The following ATAD2B variants were observed in gnomAD, a reference collection of about 807,000 sequenced individuals.
The protein encoded by ATAD2B is ATPase family AAA domain containing 2B.
A neutral mutation model predicts 167.6 loss-of-function variants in ATAD2B; 40 were observed. The observed-to-expected ratio is 0.24, with a 90% CI of 0.19 to 0.31. The LOEUF (loss-of-function observed/expected upper bound fraction) is 0.31. Ranked by LOEUF, ATAD2B falls within the 10% of genes least tolerant of loss-of-function variation. ATAD2B has a pLI of 1.00. For missense variants in ATAD2B, 1,242 were observed against 1,757.2 expected, an observed-to-expected ratio of 0.71 and a Z score of 5.24; for synonymous variants, 579 against 596.5, an observed-to-expected ratio of 0.97 and a Z score of 0.43.
chr2:23,748,437 T>C (rs1481226567), downstream of ATAD2B, among the ~76,000 whole-genome samples: 2 of 152,310 alleles, frequency 1.3e-5, no homozygotes, highest in East Asian at 3.9e-4. Context: ...CTATACAACA[T>C]ATTTTAGACA....
At chr2:23,819,123 T>C (rs1222845764) in intron 17 of ATAD2B, among the ~76,000 whole-genome samples, 1 of 152,128 alleles carries the variant, frequency 6.6e-6, no homozygotes, top group East Asian at 1.9e-4. Flanking sequence ...AGCAATAAAG[T>C]TGGGGCTCAT....
At chr2:23,794,455 T>C (rs564533037) in intron 19 of ATAD2B, among the ~76,000 whole-genome samples, 7 of 152,330 alleles carry the variant, frequency 4.6e-5, no homozygotes, top group African/African-American at 1.4e-4. Flanking sequence ...AGCAGATATG[T>C]AGTTGGAAAT....
intron 1 of ATAD2B, among the ~76,000 whole-genome samples, chr2:23,912,515 AC>A (rs1182737958): frequency 6.6e-6 from 1 of 152,036 alleles, no homozygotes; most frequent in African/African-American, 2.4e-5. Context: ...TCAAAAAAAA[AC>A]GAAAGGAAAA....
the ATAD2B span, chr2:23,706,369 G>A: frequency 2.6e-6 from 2 of 762,632 alleles, no homozygotes; most frequent in Non-Finnish European, 3.8e-6. Context: ...GATCCCAGAT[G>A]CCTTCTGCAA....
chr2:23,818,095 TTACACACAC>T lies in ATAD2B; in HGVS notation c.2267+1643_2267+1651del, dbSNP rs1558590617. ...ACACATAAACACACACACACACACA[TTACACACAC>T]ACACACACACACACACATTACACAC... On this transcript the variant is annotated intron_variant, in intron 17 of 27. Coordinates refer to ENST00000238789, the MANE Select transcript of ATAD2B (RefSeq NM_017552.4). Among the ~76,000 whole-genome samples, 22 of 12,878 alleles carry T rather than the reference TTACACACAC, an allele frequency of 1.7e-3. 1 individual carries two copies. The highest frequency in any genetic ancestry group is 2.2e-3 in the Non-Finnish European group (15 of 6,726). The allele number at this position is 12,878 out of a possible 152,430, so 8.4% of individuals were successfully genotyped here. A position where few individuals can be genotyped will look rare whatever the true frequency, so the allele number is the denominator to read the frequency against.
intron 19 of ATAD2B, among the ~76,000 whole-genome samples, chr2:23,796,822 G>A (rs188596295): frequency 1.3e-5 from 2 of 152,178 alleles, no homozygotes; most frequent in African/African-American, 4.8e-5. Context: ...CAATGACCCT[G>A]TCTGTTATTA....
rs757193665 is a variant in ATAD2B at position 23,833,931 on chromosome 2, C to A, written c.1716G>T (p.Leu572=). Residue 572 remains leucine (L), a synonymous_variant, in exon 14 of 28, where the codon CTG becomes CTT. Transcript: ENST00000238789. ...CAAAAACTCTTACCTTTTGATCAGG[C>A]AGGTTGAAGAGGAATTCTCTGTCAA... The part of the protein sequence containing the change: ...GRFDREFLFN[L]PDQKARKHIL... 6.2e-6 allele frequency: 10 copies of A among 1,602,338 alleles called. No homozygotes were observed. In the East Asian group the frequency reaches 2.2e-4, roughly 36 times the overall value.
chr2:23,719,130 C>T, the ATAD2B span, among the ~76,000 whole-genome samples: 1 of 152,188 alleles, frequency 6.6e-6, no homozygotes, highest in Non-Finnish European at 1.5e-5. Context: ...GGAAACTAAA[C>T]TGACAATGGA....
At chr2:23,874,547 A>G (rs1409153611) in intron 8 of ATAD2B, among the ~76,000 whole-genome samples, 3 of 151,964 alleles carry the variant, frequency 2.0e-5, no homozygotes, top group Non-Finnish European at 4.4e-5. Flanking sequence ...TACAAACAAT[A>G]TAAAAATTAG....
At chr2:23,826,328 G>A (rs1012279910) in intron 15 of ATAD2B, among the ~76,000 whole-genome samples, 9 of 152,124 alleles carry the variant, frequency 5.9e-5, no homozygotes, top group African/African-American at 2.2e-4. Context: ...CTCTTGTCCT[G>A]TCATAATAGC....
At chr2:23,724,239 T>C in the ATAD2B span, among the ~76,000 whole-genome samples, 1 of 152,124 alleles carries the variant, frequency 6.6e-6, no homozygotes, top group African/African-American at 2.4e-5. Flanking sequence ...TTAACAATAA[T>C]ATATAGTTTC....
At chr2:23,878,520 G>T (rs1025787100) in intron 7 of ATAD2B, among the ~76,000 whole-genome samples, 3 of 151,628 alleles carry the variant, frequency 2.0e-5, no homozygotes, top group African/African-American at 7.3e-5. Flanking sequence ...TTAGCCAGGC[G>T]TGGTGGCAGG....
In ATAD2B at chr2:23,749,007, G is replaced by A. The variant is rs1675085699; in HGVS notation, c.*3039C>T. 1 of 151,920 alleles carries A rather than the reference G, an allele frequency of 6.6e-6. No individual in the cohort carries two copies. Among genetic ancestry groups the A allele is most frequent in the Non-Finnish European group, 1.5e-5 (1 of 67,978 alleles). 9.4% of individuals were successfully genotyped at this position (151,920 alleles called of 1,614,324 possible). A position where few individuals can be genotyped will look rare whatever the true frequency, so the allele number is the denominator to read the frequency against. On this transcript the variant is annotated 3_prime_UTR_variant, in exon 28 of 28. Transcript: ENST00000238789. The stretch of plus-strand genomic sequence containing the variant: ...TACAAATAATAATTATAATAACAAT[G>A]GCATTCAGCTACGGGACCTGACACT...
In ATAD2B at chr2:23,813,716, G is replaced by A. The variant is rs868203632; in HGVS notation, c.2268-3214C>T. ...GCCATGATGGTGCCACTGCATCCCA[G>A]CCTGGGTGACAGAATGAGACCTTGT... On this transcript the variant is annotated intron_variant, in intron 17 of 27. Transcript: ENST00000238789. Among the ~76,000 whole-genome samples the A allele has an allele frequency of 1.2e-4, 19 of 152,196 alleles. No homozygotes were observed. In the Middle Eastern group the frequency reaches 0.017, roughly 136 times the overall value.
intron 17 of ATAD2B, among the ~76,000 whole-genome samples, chr2:23,818,115 ACACAC>A (rs1686780736): frequency 1.0e-5 from 1 of 97,580 alleles, no homozygotes; most frequent in African/African-American, 3.7e-5. Flanking sequence ...ACACACACAC[ACACAC>A]ATTACACACA....
At chr2:23,779,089 T>C (rs143672389) in intron 22 of ATAD2B, among the ~76,000 whole-genome samples, 347 of 152,092 alleles carry the variant, frequency 2.3e-3, no homozygotes, top group African/African-American at 8.2e-3. Flanking sequence ...GGCATCCAAC[T>C]GAAGAAGGTT....
intron 19 of ATAD2B, among the ~76,000 whole-genome samples, chr2:23,794,537 T>C (rs1682302205): frequency 6.6e-6 from 1 of 152,204 alleles, no homozygotes; most frequent in South Asian, 2.1e-4. Context: ...TGATAACAGC[T>C]GGTCTGGTGC....
At chr2:23,827,465 C>T (rs1688428056) in intron 15 of ATAD2B, among the ~76,000 whole-genome samples, 1 of 152,040 alleles carries the variant, frequency 6.6e-6, no homozygotes, top group African/African-American at 2.4e-5. Flanking sequence ...ATTTAGAGTA[C>T]CTATCTCTTA....
chr2:23,798,589 T>C (rs890187794), intron 18 of ATAD2B, among the ~76,000 whole-genome samples: 2 of 151,438 alleles, frequency 1.3e-5, no homozygotes, highest in Non-Finnish European at 2.9e-5. Context: ...ATATTAACAG[T>C]GGAAGGTATC....
Sources: gnomAD v4.1 joint callset for allele counts (sites outside exome capture counted in the v4.1 genomes callset) on GRCh38, gnomAD v4.1.1 for gene constraint, MANE v1.5 for transcripts, NCBI Gene and HGNC (gene_info 2026-07-23, HGNC 2026-07-21) for gene names.